ABCC1: variants seen among roughly 807,000 people sequenced by gnomAD.
ABCC1 encodes the protein ATP binding cassette subfamily C member 1 (ABCC1 blood group), also known as multidrug resistance-associated protein 1.
ABCC1 carries 83 observed loss-of-function variants against 172.9 expected under a neutral mutation model. That is an observed-to-expected ratio of 0.48 (90% CI 0.40 to 0.58). The LOEUF is 0.58. ABCC1 is among the 20% of genes least tolerant of loss of function. The probability of loss-of-function intolerance (pLI) is 0.00; values close to 1 mark genes in which losing one functional copy is unlikely to be tolerated. For synonymous variants in ABCC1, 937 were observed against 825.2 expected, an observed-to-expected ratio of 1.14 and a Z score of -2.32; for missense variants, 1,817 against 2,002.7, an observed-to-expected ratio of 0.91 and a Z score of 1.77.
At chr16:16,064,363 T>C (rs1049624300) in intron 12 of ABCC1, among the ~76,000 whole-genome samples, 12 of 152,188 alleles carry the variant, frequency 7.9e-5, no homozygotes, top group African/African-American at 2.9e-4. Context: ...TGTTAAAGCC[T>C]GTGCTTCCAC....
intron 12 of ABCC1, among the ~76,000 whole-genome samples, chr16:16,059,940 G>A (rs1487463018): frequency 2.6e-5 from 4 of 151,844 alleles, no homozygotes; most frequent in Admixed American, 6.6e-5. Flanking sequence ...AGATCGCAGC[G>A]AGCTGAGGTC....
At chr16:16,111,241 G>T (rs879370683) in intron 21 of ABCC1, 134 bp from the exon 22 acceptor site, 192 of 718,442 alleles carry the variant, frequency 2.7e-4, no homozygotes, top group Admixed American at 1.0e-3. Flanking sequence ...AGCTAAAGGG[G>T]AGGGGTGTTC....
chr16:16,040,319 C>T (rs1309077181), intron 7 of ABCC1, among the ~76,000 whole-genome samples: 3 of 151,854 alleles, frequency 2.0e-5, no homozygotes, highest in African/African-American at 4.8e-5. Flanking sequence ...TGGAATTTTG[C>T]TCTTGTTGCT....
chr16:16,103,935 C>T (rs45618242), intron 20 of ABCC1, among the ~76,000 whole-genome samples: 2,671 of 152,166 alleles, frequency 0.018, 93 homozygotes, highest in African/African-American at 0.06. Flanking sequence ...TTCTGCTGTT[C>T]GGATGTGTTC....
At chr16:16,009,986 A>G (rs2047715357) in intron 3 of ABCC1, 85 bp downstream of exon 3, 1 of 978,166 alleles carries the variant, frequency 1.0e-6, no homozygotes. Flanking sequence ...CTAGAATCAT[A>G]GTTTTTTAAG....
rs776077917 is a variant in ABCC1, at chr16:16,086,976, G to A, written c.2445G>A (p.Gly815=). ...TTGAAAATGTGATTGGCCCCAAGGG[G>A]ATGCTGAAGAACAAGGTGCCTGCTG... ...HIFENVIGPK[G]MLKNKTRILV... Residue 815 remains glycine, a synonymous_variant, in exon 18 of 31, where the codon GGG becomes GGA. Coordinates refer to ENST00000399410, the MANE Select transcript of ABCC1 (RefSeq NM_004996.4). 3.1e-6 allele frequency: 5 copies of A among 1,614,212 alleles called. No homozygotes were observed. Among genetic ancestry groups the A allele is most frequent in the Non-Finnish European group, 4.2e-6 (5 of 1,180,032 alleles).
intron 15 of ABCC1, 131 bp from the exon 16 acceptor site, chr16:16,079,220 AG>A: frequency 7.5e-7 from 1 of 1,334,754 alleles, no homozygotes; most frequent in South Asian, 1.4e-5. Context: ...TGAGGCCTTC[AG>A]TGTTTAGTAC....
At position 15,975,807 on chromosome 16, in the gene ABCC1, C is replaced by T. The variant is rs568231426; in HGVS notation, c.48+26008C>T. Among the ~76,000 whole-genome samples, 44 of 152,128 alleles carry T rather than the reference C, an allele frequency of 2.9e-4. 2 individuals carry two copies. In the South Asian group the frequency reaches 8.7e-3, roughly 30 times the overall value. On this transcript the variant is annotated intron_variant, in intron 1 of 30. Coordinates refer to ENST00000399410, the MANE Select transcript of ABCC1 (RefSeq NM_004996.4). ...CCAACCTCAGGTGATCTGCCCGCCTCAGCCTCCCAAGGTGCTGGGATTACA... is the reference window on the plus strand; with the variant it reads ...CCAACCTCAGGTGATCTGCCCGCCTTAGCCTCCCAAGGTGCTGGGATTACA...
At chr16:16,006,404 C>T (rs2047532186) in intron 1 of ABCC1, among the ~76,000 whole-genome samples, 1 of 148,062 alleles carries the variant, frequency 6.8e-6, no homozygotes, top group African/African-American at 2.5e-5. Flanking sequence ...GGCAACAGAG[C>T]AAGACCTCAT....
chr16:16,110,397 T>A (rs9933152), intron 21 of ABCC1, among the ~76,000 whole-genome samples: 49,719 of 151,684 alleles, frequency 0.33, 8,511 homozygotes, highest in African/African-American at 0.41. Flanking sequence ...TCTTTATTTT[T>A]TTTTATTTTT....
intron 14 of ABCC1, among the ~76,000 whole-genome samples, chr16:16,075,209 T>C (rs2050510316): frequency 6.6e-6 from 1 of 152,094 alleles, no homozygotes; most frequent in South Asian, 2.1e-4. Flanking sequence ...TCTCCCGAAG[T>C]GTTGGGATTA....
At chr16:16,100,559 TTTTG>T (rs1353984051) in intron 19 of ABCC1, among the ~76,000 whole-genome samples, 7 of 152,216 alleles carry the variant, frequency 4.6e-5, no homozygotes, top group African/African-American at 1.2e-4. Flanking sequence ...GCTATTTGTG[TTTTG>T]TTTGTTTTTT....
intron 19 of ABCC1, among the ~76,000 whole-genome samples, chr16:16,096,301 C>CT (rs1272748708): frequency 9.9e-5 from 15 of 151,904 alleles, no homozygotes; most frequent in Admixed American, 9.8e-4. Flanking sequence ...AGAAGGGGAG[C>CT]TGTTGTTAGC....
chr16:15,979,580 A>C (rs6498594), intron 1 of ABCC1, among the ~76,000 whole-genome samples: 21,181 of 152,038 alleles, frequency 0.14, 1,632 homozygotes, highest in Middle Eastern at 0.16. Context: ...TGTGCAACTC[A>C]GTTTAGTACA....
intron 15 of ABCC1, among the ~76,000 whole-genome samples, chr16:16,077,886 G>A (rs1406163423): frequency 1.3e-5 from 2 of 152,140 alleles, no homozygotes; most frequent in African/African-American, 2.4e-5. Flanking sequence ...AGCTGGGCAT[G>A]GTGGTGCATG....
At chr16:15,964,223 G>A (rs148532805) in intron 1 of ABCC1, among the ~76,000 whole-genome samples, 4 of 151,980 alleles carry the variant, frequency 2.6e-5, no homozygotes, top group East Asian at 3.9e-4. Context: ...GATTACAGGC[G>A]TGAGCCACTG....
intron 1 of ABCC1, among the ~76,000 whole-genome samples, chr16:15,978,235 G>A (rs988299080): frequency 1.3e-5 from 2 of 151,976 alleles, no homozygotes; most frequent in African/African-American, 4.8e-5. Context: ...TTGGTGGCAT[G>A]CACTTGTGGT....
intron 17 of ABCC1, among the ~76,000 whole-genome samples, chr16:16,084,896 C>T (rs1057394824): frequency 6.6e-6 from 1 of 152,226 alleles, no homozygotes; most frequent in South Asian, 2.1e-4. Flanking sequence ...GCTGGGATTA[C>T]AGATGTTAAC....
chr16:16,047,926 G>A (rs1243118182), intron 9 of ABCC1, among the ~76,000 whole-genome samples: 3 of 151,810 alleles, frequency 2.0e-5, no homozygotes, highest in Non-Finnish European at 2.9e-5. Flanking sequence ...GCCAACTGAT[G>A]AGTTCAAGGT....
Sources: gnomAD v4.1 joint callset for allele counts (sites outside exome capture counted in the v4.1 genomes callset) on GRCh38, gnomAD v4.1.1 for gene constraint, MANE v1.5 for transcripts, NCBI Gene and HGNC (gene_info 2026-07-23, HGNC 2026-07-21) for gene names.